Variants in MAP2 observed in about 807,000 individuals in gnomAD.
The protein encoded by MAP2 is microtubule-associated protein 2.
Under a neutral mutation model 137.6 loss-of-function variants are expected in MAP2, and 14 were observed. The ratio of observed to expected loss-of-function variants is 0.10; its 90% CI spans 0.07 to 0.16. The LOEUF is 0.16. Ranked by LOEUF, MAP2 falls within the 10% of genes least tolerant of loss-of-function variation. The probability of loss-of-function intolerance (pLI) is 1.00; values close to 1 mark genes in which losing one functional copy is unlikely to be tolerated. For missense variants in MAP2, 2,088 were observed against 2,191.5 expected, an observed-to-expected ratio of 0.95 and a Z score of 0.94; for synonymous variants, 786 against 782.3, an observed-to-expected ratio of 1.00 and a Z score of -0.08.
chr2:209,523,498 C>G (rs1346711493), intron 2 of MAP2, among the ~76,000 whole-genome samples: 1 of 152,138 alleles, frequency 6.6e-6, no homozygotes, highest in East Asian at 1.9e-4. Context: ...GTCTGAGCTC[C>G]TCAGCCTACG....
intron 11 of MAP2, among the ~76,000 whole-genome samples, chr2:209,701,955 A>G (rs905691153): frequency 3.9e-5 from 6 of 152,104 alleles, no homozygotes; most frequent in Non-Finnish European, 8.8e-5. Context: ...AAAGGGGAGG[A>G]CAAAATTCCT....
chr2:209,489,949 G>C (rs988501834), intron 1 of MAP2, among the ~76,000 whole-genome samples: 1 of 152,020 alleles, frequency 6.6e-6, no homozygotes, highest in South Asian at 2.1e-4. Flanking sequence ...GAACACTGCA[G>C]AGATACTCCT....
intron 5 of MAP2, among the ~76,000 whole-genome samples, chr2:209,661,033 C>T (rs1242560576): frequency 6.6e-6 from 1 of 151,912 alleles, no homozygotes; most frequent in African/African-American, 2.4e-5. Context: ...CGTGAGCCAC[C>T]ACACCCGGCC....
At chr2:209,494,991 A>G (rs2059577444) in intron 1 of MAP2, among the ~76,000 whole-genome samples, 1 of 152,254 alleles carries the variant, frequency 6.6e-6, no homozygotes, top group Non-Finnish European at 1.5e-5. Context: ...CTGGCCATAT[A>G]TGTGTATATA....
chr2:209,644,739 T>C (rs1262392951), intron 4 of MAP2, among the ~76,000 whole-genome samples: 2 of 151,806 alleles, frequency 1.3e-5, no homozygotes, highest in African/African-American at 2.4e-5. Flanking sequence ...GTTTTGATAG[T>C]TTTTTATATT....
chr2:209,467,554 C>T lies in MAP2; in HGVS notation c.-221-40038C>T, dbSNP rs76999361. ...TTTCTCTTTACATTCTTCTCATCAT[C>T]CCTTTGTTATGCTACTCTTTCTCTG... On this transcript the variant is annotated intron_variant, in intron 1 of 15. Transcript: ENST00000682079. Among the ~76,000 whole-genome samples the T allele has an allele frequency of 1.8e-3, 267 of 152,304 alleles. 1 individual carries two copies. The highest frequency in any genetic ancestry group is 6.2e-3 in the African/African-American group (257 of 41,576).
At chr2:209,555,411 G>A (rs2070327816) in intron 2 of MAP2, among the ~76,000 whole-genome samples, 2 of 152,228 alleles carry the variant, frequency 1.3e-5, no homozygotes, top group African/African-American at 4.8e-5. Flanking sequence ...TTTAATGGAG[G>A]CCGAGAGTTG....
chr2:209,648,460 G>C (rs571124058), intron 4 of MAP2, among the ~76,000 whole-genome samples: 86 of 151,948 alleles, frequency 5.7e-4, no homozygotes, highest in Admixed American at 2.0e-3. Flanking sequence ...ATATATTGAC[G>C]TGTGTTTTGT....
chr2:209,647,398 A>C (rs775716528), intron 4 of MAP2, among the ~76,000 whole-genome samples: 8 of 152,226 alleles, frequency 5.3e-5, no homozygotes, highest in Non-Finnish European at 1.2e-4. Flanking sequence ...TAAACATGTA[A>C]GCATTAAGTC....
intron 3 of MAP2, among the ~76,000 whole-genome samples, chr2:209,609,881 G>T (rs909173980): frequency 1.3e-5 from 2 of 151,950 alleles, no homozygotes; most frequent in Non-Finnish European, 2.9e-5. Flanking sequence ...TTAGATGCTG[G>T]GTTGGTACAA....
chr2:209,706,881 AT>A (rs35266859), intron 12 of MAP2, among the ~76,000 whole-genome samples: 18,097 of 152,162 alleles, frequency 0.12, 1,388 homozygotes, highest in East Asian at 0.22. Context: ...GTCCAACATT[AT>A]TTAGTTTCCT....
intron 2 of MAP2, among the ~76,000 whole-genome samples, chr2:209,542,403 A>T (rs2067218207): frequency 6.6e-6 from 1 of 152,206 alleles, no homozygotes; most frequent in South Asian, 2.1e-4. Context: ...GATTTTTGGA[A>T]TGGTAAATGA....
chr2:209,566,973 C>T (rs910693217), intron 2 of MAP2, among the ~76,000 whole-genome samples: 1 of 152,140 alleles, frequency 6.6e-6, no homozygotes, highest in African/African-American at 2.4e-5. Flanking sequence ...GTTTTTGAGG[C>T]ATCACCTGCT....
At chr2:209,583,650 A>G (rs886513765) in intron 3 of MAP2, among the ~76,000 whole-genome samples, 58 of 152,214 alleles carry the variant, frequency 3.8e-4, no homozygotes, top group African/African-American at 1.3e-3. Context: ...ATGTATTAAG[A>G]TTCTCTACTT....
At position 209,676,720 on chromosome 2, in the gene MAP2, CATATATATATATATATATATAT is replaced by C. The variant is rs56283066; in HGVS notation, c.263-1821_263-1800del. On this transcript the variant is annotated intron_variant, in intron 5 of 15. Coordinates refer to ENST00000682079, the MANE Select transcript of MAP2 (RefSeq NM_001375505.1). ...GGAATGATCCAGAAGACACAAAGGT[CATATATATATATATATATATAT>C]ATATATATATATATATATATATATA... is the stretch of plus-strand genomic sequence containing the variant. Among the ~76,000 whole-genome samples the C allele has an allele frequency of 3.8e-3, 276 of 71,818 alleles. 4 individuals carry two copies. The highest frequency in any genetic ancestry group is 7.3e-3 in the South Asian group (15 of 2,064). The allele number at this position is 71,818 out of a possible 152,430, so 47.1% of individuals were successfully genotyped here.
At chr2:209,575,518 C>CAAAA (rs71043942) in intron 2 of MAP2, among the ~76,000 whole-genome samples, 2 of 28,374 alleles carry the variant, frequency 7.0e-5, no homozygotes, top group East Asian at 1.3e-3. Flanking sequence ...GACTCCATCT[C>CAAAA]AAAAAAAAAA....
At chr2:209,568,326 C>T (rs1378047092) in intron 2 of MAP2, among the ~76,000 whole-genome samples, 1 of 151,832 alleles carries the variant, frequency 6.6e-6, no homozygotes, top group Admixed American at 6.6e-5. Flanking sequence ...AGAAATCATT[C>T]CACTTATGAT....
chr2:209,653,078 G>T, intron 4 of MAP2, 64 bp from the exon 5 acceptor site: 1 of 1,327,736 alleles, frequency 7.5e-7, no homozygotes, highest in Non-Finnish European at 1.0e-6. Flanking sequence ...TTCCTATCTT[G>T]GTACAACCAA....
At chr2:209,717,464 T>C (rs2068169676) in intron 13 of MAP2, among the ~76,000 whole-genome samples, 1 of 152,162 alleles carries the variant, frequency 6.6e-6, no homozygotes, top group South Asian at 2.1e-4. Context: ...CCAAATCATA[T>C]TGTTACCCTC....
Sources: allele counts gnomAD v4.1 joint callset (sites outside exome capture counted in the v4.1 genomes callset), GRCh38; gene constraint gnomAD v4.1.1; transcripts MANE v1.5; gene names NCBI Gene and HGNC (gene_info 2026-07-23, HGNC 2026-07-21).